Variants in LOC128125817 observed in about 807,000 individuals in gnomAD.
chr1:41,591,118 C>T, the LOC128125817 span, among the ~76,000 whole-genome samples: 1 of 152,172 alleles, frequency 6.6e-6, no homozygotes. Flanking sequence ...GAGGGGCTGT[C>T]ATGGCTGTGT....
chr1:41,607,072 C>T, the LOC128125817 span, among the ~76,000 whole-genome samples: 2 of 152,154 alleles, frequency 1.3e-5, no homozygotes, highest in African/African-American at 2.4e-5. Context: ...AATCCTCCCA[C>T]CTCAGCCTCT....
the LOC128125817 span, among the ~76,000 whole-genome samples, chr1:41,605,922 C>T: frequency 5.9e-5 from 9 of 152,232 alleles, no homozygotes; most frequent in East Asian, 3.9e-4. Flanking sequence ...AACCTTCTCA[C>T]GGTCATGATA....
chr1:41,597,328 A>T, the LOC128125817 span, among the ~76,000 whole-genome samples: 1 of 152,222 alleles, frequency 6.6e-6, no homozygotes, highest in African/African-American at 2.4e-5. Context: ...GCAATGATGT[A>T]GCAAAAACTC....
chr1:41,597,912 G>C, the LOC128125817 span, among the ~76,000 whole-genome samples: 1 of 152,306 alleles, frequency 6.6e-6, no homozygotes, highest in East Asian at 1.9e-4. Context: ...GATGCTTGTA[G>C]CTAATTCACC....
chr1:41,600,251 A>G, the LOC128125817 span, among the ~76,000 whole-genome samples: 1 of 152,224 alleles, frequency 6.6e-6, no homozygotes, highest in Non-Finnish European at 1.5e-5. Flanking sequence ...AGAGTCTCAA[A>G]GAGATATGTG....
chr1:41,602,634 A>C, the LOC128125817 span, among the ~76,000 whole-genome samples: 1 of 151,798 alleles, frequency 6.6e-6, no homozygotes, highest in Non-Finnish European at 1.5e-5. Context: ...CTTTTTTTCT[A>C]GCATAGCTAA....
chr1:41,608,720 C>T, the LOC128125817 span, among the ~76,000 whole-genome samples: 4,057 of 152,262 alleles, frequency 0.027, 191 homozygotes, highest in African/African-American at 0.092. Flanking sequence ...GGAATGTTTC[C>T]GTCCCACGGA....
chr1:41,590,104 C>CA, the LOC128125817 span, among the ~76,000 whole-genome samples: 1 of 152,018 alleles, frequency 6.6e-6, no homozygotes, highest in African/African-American at 2.4e-5. Context: ...TCTTCACTTG[C>CA]AAAAAAATAC....
chr1:41,611,493 T>C, the LOC128125817 span, among the ~76,000 whole-genome samples: 1 of 152,214 alleles, frequency 6.6e-6, no homozygotes, highest in Admixed American at 6.5e-5. Flanking sequence ...GCAATGTTTT[T>C]ACATCCATCT....
the LOC128125817 span, among the ~76,000 whole-genome samples, chr1:41,622,671 C>T: frequency 6.6e-6 from 1 of 152,176 alleles, no homozygotes; most frequent in Non-Finnish European, 1.5e-5. Flanking sequence ...CTGCCATAGA[C>T]GCTGGAAGCT....
the LOC128125817 span, among the ~76,000 whole-genome samples, chr1:41,627,853 A>G: frequency 6.6e-6 from 1 of 152,078 alleles, no homozygotes; most frequent in Non-Finnish European, 1.5e-5. Flanking sequence ...GGGCACAGGT[A>G]GGCCAGAGAA....
At chr1:41,619,082 AG>A in the LOC128125817 span, among the ~76,000 whole-genome samples, 1 of 138,064 alleles carries the variant, frequency 7.2e-6, no homozygotes, top group African/African-American at 2.8e-5. Flanking sequence ...CAGGCCTCCC[AG>A]GGCTTCTGGA....
At chr1:41,601,321 A>G in the LOC128125817 span, among the ~76,000 whole-genome samples, 1 of 151,924 alleles carries the variant, frequency 6.6e-6, no homozygotes, top group African/African-American at 2.4e-5. Context: ...GGTTTCATTG[A>G]CTCTGTAGAT....
At chr1:41,613,219 A>T in the LOC128125817 span, among the ~76,000 whole-genome samples, 1 of 152,248 alleles carries the variant, frequency 6.6e-6, no homozygotes, top group East Asian at 1.9e-4. Flanking sequence ...GGCCTGAGTG[A>T]ATGATTTCTT....
chr1:41,607,368 G>A, the LOC128125817 span, among the ~76,000 whole-genome samples: 4 of 152,254 alleles, frequency 2.6e-5, no homozygotes, highest in South Asian at 8.3e-4. Context: ...GTGTTATTCA[G>A]TTTTTCCACT....
the LOC128125817 span, among the ~76,000 whole-genome samples, chr1:41,590,669 G>T: frequency 6.6e-6 from 1 of 152,176 alleles, no homozygotes; most frequent in Non-Finnish European, 1.5e-5. Flanking sequence ...CTCATCCAGG[G>T]GATTGGAGTG....
chr1:41,618,492 C>T, the LOC128125817 span, among the ~76,000 whole-genome samples: 8 of 152,168 alleles, frequency 5.3e-5, no homozygotes, highest in South Asian at 2.1e-4. Flanking sequence ...AGCCTCCTAC[C>T]GAGGCCCAGT....
chr1:41,588,368 G>C, the LOC128125817 span, among the ~76,000 whole-genome samples: 1 of 152,154 alleles, frequency 6.6e-6, no homozygotes, highest in African/African-American at 2.4e-5. Context: ...AGCATGACTG[G>C]GTGGTGAAAT....
chr1:41,614,025 A>T, the LOC128125817 span, among the ~76,000 whole-genome samples: 1 of 152,230 alleles, frequency 6.6e-6, no homozygotes, highest in Non-Finnish European at 1.5e-5. Context: ...CCCAGGCCAC[A>T]ATGCCTGTGA....
Sources: allele counts gnomAD v4.1 joint callset (sites outside exome capture counted in the v4.1 genomes callset), GRCh38; gene constraint gnomAD v4.1.1; transcripts MANE v1.5.